Variants in TIAM1 observed in about 807,000 individuals in gnomAD.
The protein encoded by TIAM1 is TIAM Rac1 associated GEF 1.
TIAM1 carries 65 observed loss-of-function variants against 163.5 expected under a neutral mutation model. That is an observed-to-expected ratio of 0.40 (90% confidence interval 0.33 to 0.49). TIAM1 has a LOEUF of 0.49. TIAM1 is among the 20% of genes least tolerant of loss of function. TIAM1 has a pLI of 0.77. For missense variants in TIAM1, 1,789 were observed against 2,044.7 expected (o/e 0.87, Z 2.41); for synonymous variants, 833 against 810.1 (o/e 1.03, Z -0.48).
At chr21:31,210,754 G>GAA (rs1555891289) in intron 10 of TIAM1, among the ~76,000 whole-genome samples, 1 of 90,220 alleles carries the variant, frequency 1.1e-5, no homozygotes, top group African/African-American at 5.1e-5. Context: ...AAGGGAGAAA[G>GAA]AAAGAAAGAA....
chr21:31,228,306 G>C (rs1054459529), intron 6 of TIAM1, among the ~76,000 whole-genome samples: 1 of 102,512 alleles, frequency 9.8e-6, no homozygotes, highest in African/African-American at 3.5e-5. Flanking sequence ...TGTTGGCAAA[G>C]ATATGGAGTA....
At position 31,388,248 on chromosome 21, in the gene TIAM1, CACACACACACA is replaced by C. The variant is rs1317849634; in HGVS notation, c.-368-48837_-368-48827del. Among the ~76,000 whole-genome samples the C allele has an allele frequency of 2.3e-3, 230 of 97,898 alleles. 2 individuals are homozygous for C. Among genetic ancestry groups the C allele is most frequent in the South Asian group, 7.3e-3 (21 of 2,884 alleles). 64.2% of individuals were successfully genotyped at this position (97,898 alleles called of 152,430 possible). ...ACACACACACACACACACACACACA[CACACACACACA>C]ACCTCTTACGTGAATACGGTGAATC... On this transcript the variant is annotated intron_variant, in intron 2 of 28. Transcript: ENST00000286827.
At chr21:31,292,730 G>A (rs1346235838) in intron 2 of TIAM1, among the ~76,000 whole-genome samples, 2 of 148,086 alleles carry the variant, frequency 1.4e-5, no homozygotes, top group East Asian at 4.0e-4. Context: ...GTGCAACGCG[G>A]TGATCTCAGC....
At chr21:31,451,162 C>T (rs541174617) in intron 2 of TIAM1, among the ~76,000 whole-genome samples, 3 of 152,192 alleles carry the variant, frequency 2.0e-5, no homozygotes, top group African/African-American at 7.2e-5. Flanking sequence ...GAGCAATATG[C>T]GGCTCCGAGG....
chr21:31,294,109 G>C (rs1297763334), intron 2 of TIAM1, among the ~76,000 whole-genome samples: 1 of 152,176 alleles, frequency 6.6e-6, no homozygotes, highest in Non-Finnish European at 1.5e-5. Context: ...GGTGTCCCCA[G>C]CAAGTCCTCA....
intron 15 of TIAM1, among the ~76,000 whole-genome samples, chr21:31,173,918 AC>A (rs1193611916): frequency 6.6e-6 from 1 of 152,012 alleles, no homozygotes; most frequent in Non-Finnish European, 1.5e-5. Flanking sequence ...ACTGGAAGTT[AC>A]CCCGCCCCCG....
At chr21:31,329,550 C>CA (rs111695483) in intron 2 of TIAM1, among the ~76,000 whole-genome samples, 29,939 of 152,172 alleles carry the variant, frequency 0.2, 3,327 homozygotes, top group Middle Eastern at 0.38. Flanking sequence ...GTGTGGCTAA[C>CA]ACGGCATCTA....
chr21:31,138,706 T>A (rs1164941167), intron 22 of TIAM1, among the ~76,000 whole-genome samples: 1 of 152,232 alleles, frequency 6.6e-6, no homozygotes, highest in East Asian at 1.9e-4. Context: ...CTTACGGCAT[T>A]GAGGCTGCTG....
At chr21:31,473,845 C>A (rs1029013410) in intron 1 of TIAM1, among the ~76,000 whole-genome samples, 1 of 152,134 alleles carries the variant, frequency 6.6e-6, no homozygotes, top group Non-Finnish European at 1.5e-5. Flanking sequence ...CCGCCCTGCA[C>A]TGGAGACTTG....
At position 31,427,979 on chromosome 21, in the gene TIAM1, C is replaced by T. The variant is rs564538363; in HGVS notation, c.-369+36004G>A. Among the ~76,000 whole-genome samples, 3 of 151,614 alleles carry T rather than the reference C, an allele frequency of 2.0e-5. No individual in the cohort carries two copies. In the East Asian group the frequency reaches 5.9e-4, roughly 30 times the overall value. The stretch of plus-strand genomic sequence containing the variant: ...AAAAATCCTCTATAGAAACTGAACG[C>T]GGCCAGGCGCAGTGGCTCATGCCTG... On this transcript the variant is annotated intron_variant, in intron 2 of 28. Transcript: ENST00000286827.
chr21:31,203,465 C>T lies in TIAM1; in HGVS notation c.2389-453G>A, dbSNP rs376495368. On this transcript the variant is annotated intron_variant, in intron 11 of 27. Coordinates refer to ENST00000541036, the MANE Select transcript of TIAM1 (RefSeq NM_001353694.2). The stretch of plus-strand genomic sequence containing the variant: ...TGAATGGGGGTATAAAGTTTCTATA[C>T]TTCTTAAAAAGTTTACATCGTAAAT... 6.1e-4 allele frequency among the ~76,000 whole-genome samples: 93 copies of T among 152,344 alleles called. 2 individuals carry two copies. The South Asian group carries it at 9.5e-3, about 16-fold the overall frequency.
At chr21:31,493,539 G>C (rs2046544174) in intron 1 of TIAM1, among the ~76,000 whole-genome samples, 1 of 152,142 alleles carries the variant, frequency 6.6e-6, no homozygotes, top group Non-Finnish European at 1.5e-5. Flanking sequence ...AGAATTCTGG[G>C]AACAATGTAG....
chr21:31,257,735 G>T (rs542654096), intron 4 of TIAM1, among the ~76,000 whole-genome samples: 30 of 152,120 alleles, frequency 2.0e-4, no homozygotes, highest in African/African-American at 7.2e-4. Flanking sequence ...CTTGAGCTTC[G>T]ATGTCCCCAC....
intron 1 of TIAM1, among the ~76,000 whole-genome samples, chr21:31,467,309 G>A (rs561239628): frequency 6.6e-6 from 1 of 152,302 alleles, no homozygotes; most frequent in East Asian, 1.9e-4. Context: ...TCCAGCCTGA[G>A]TGGCAGAGTG....
intron 2 of TIAM1, among the ~76,000 whole-genome samples, chr21:31,441,776 T>C (rs2044425427): frequency 6.6e-6 from 1 of 151,124 alleles, no homozygotes; most frequent in Non-Finnish European, 1.5e-5. Flanking sequence ...TTGCTGAGCA[T>C]GGTGGCTCAT....
intron 2 of TIAM1, among the ~76,000 whole-genome samples, chr21:31,325,007 C>A (rs541334901): frequency 6.6e-6 from 1 of 151,934 alleles, no homozygotes; most frequent in Admixed American, 6.6e-5. Flanking sequence ...AGGCCAGGCA[C>A]GGTGGCTCAC....
intron 23 of TIAM1, among the ~76,000 whole-genome samples, chr21:31,133,767 G>GTT (rs1382015878): frequency 2.6e-5 from 4 of 152,172 alleles, no homozygotes; most frequent in Non-Finnish European, 5.9e-5. Context: ...AATGTACTAT[G>GTT]TAGCCTTTAA....
intron 23 of TIAM1, among the ~76,000 whole-genome samples, chr21:31,135,132 A>G (rs1208038659): frequency 1.3e-5 from 2 of 151,490 alleles, no homozygotes; most frequent in Admixed American, 1.3e-4. Flanking sequence ...TTTTAGCAAG[A>G]GGCTAGGACA....
At chr21:31,412,603 G>A (rs1301152791) in intron 2 of TIAM1, among the ~76,000 whole-genome samples, 2 of 151,804 alleles carry the variant, frequency 1.3e-5, no homozygotes, top group African/African-American at 4.8e-5. Context: ...CCAACATGGT[G>A]AAACCCCATC....
Sources: gnomAD v4.1 joint callset for allele counts (sites outside exome capture counted in the v4.1 genomes callset) on GRCh38, gnomAD v4.1.1 for gene constraint, MANE v1.5 for transcripts, NCBI Gene and HGNC (gene_info 2026-07-23, HGNC 2026-07-21) for gene names.